The following ASCC1 variants were observed in gnomAD, a reference collection of about 807,000 sequenced individuals.
ASCC1 encodes the protein ASC-1 complex subunit P50.
In ASCC1, 35 loss-of-function variants were observed where a neutral mutation model predicts 46.6. That is an observed-to-expected ratio of 0.75 (90% CI 0.57 to 0.99). The LOEUF (loss-of-function observed/expected upper bound fraction) is 0.99. ASCC1 is among the 50% of genes least tolerant of loss of function. The pLI is 0.00. For missense variants in ASCC1, 376 were observed against 428.7 expected (o/e 0.88, Z 1.09); for synonymous variants, 143 against 146.6 (o/e 0.98, Z 0.18).
At chr10:72,214,965 A>T (rs1372630909) in intron 1 of ASCC1, among the ~76,000 whole-genome samples, 1 of 152,244 alleles carries the variant, frequency 6.6e-6, no homozygotes, top group Non-Finnish European at 1.5e-5. Context: ...TAATGAATCA[A>T]TAATTTAGGA....
rs142120887 is a variant in ASCC1 at position 72,131,553 on chromosome 10, T to C, written c.871+1504A>G. 4.6e-5 allele frequency among the ~76,000 whole-genome samples: 7 copies of C among 152,198 alleles called. No individual in the cohort carries two copies. In the East Asian group the frequency reaches 7.7e-4, roughly 17 times the overall value. On this transcript the variant is annotated intron_variant, in intron 8 of 9. Transcript: ENST00000672957. ...AGTATATAGGCTTTAACTGAGTTAT[T>C]TGAAGCTCTCTTAATCTCAGTGTTC...
chr10:72,097,485 T>C (rs1383510897), intron 9 of ASCC1, 35 bp from the exon 10 acceptor site: 1 of 1,286,090 alleles, frequency 7.8e-7, no homozygotes, highest in East Asian at 2.3e-5. Context: ...GAATGAATAT[T>C]TAAAGTATAG....
chr10:72,177,303 T>A (rs1212863765), intron 5 of ASCC1, among the ~76,000 whole-genome samples: 4 of 152,174 alleles, frequency 2.6e-5, no homozygotes, highest in Non-Finnish European at 2.9e-5. Context: ...AAGACAACTA[T>A]CCCATCTTCA....
intron 5 of ASCC1, among the ~76,000 whole-genome samples, chr10:72,177,365 T>C (rs902138663): frequency 1.3e-5 from 2 of 152,248 alleles, no homozygotes; most frequent in African/African-American, 2.4e-5. Context: ...CCCTTAAACA[T>C]GAAAAATCCT....
intron 7 of ASCC1, among the ~76,000 whole-genome samples, chr10:72,146,612 T>C (rs1847658374): frequency 6.6e-6 from 1 of 152,074 alleles, no homozygotes; most frequent in South Asian, 2.1e-4. Flanking sequence ...CAGTGTTCAG[T>C]GTATAAGTCC....
At chr10:72,141,036 TATAG>T (rs10655614) in intron 7 of ASCC1, among the ~76,000 whole-genome samples, 26,041 of 144,092 alleles carry the variant, frequency 0.18, 2,299 homozygotes, top group South Asian at 0.2. Flanking sequence ...TCAAATTGTT[TATAG>T]ATAGATAGAT....
At chr10:72,110,774 G>A (rs528747145) in intron 9 of ASCC1, among the ~76,000 whole-genome samples, 4 of 152,318 alleles carry the variant, frequency 2.6e-5, no homozygotes, top group African/African-American at 7.2e-5. Context: ...GTGATACAGC[G>A]AGACTCCGTC....
intron 5 of ASCC1, among the ~76,000 whole-genome samples, chr10:72,170,844 C>CA (rs930052181): frequency 1.3e-5 from 2 of 149,480 alleles, no homozygotes; most frequent in Non-Finnish European, 3.0e-5. Flanking sequence ...CATTATTATG[C>CA]AAAAAAAAAA....
intron 3 of ASCC1, among the ~76,000 whole-genome samples, chr10:72,208,822 AT>A (rs2133459167): frequency 6.6e-6 from 1 of 152,024 alleles, no homozygotes; most frequent in Admixed American, 6.6e-5. Flanking sequence ...TAAGCAGGCT[AT>A]TTTAAGTAAT....
At chr10:72,174,091 C>A (rs1335180925) in intron 5 of ASCC1, among the ~76,000 whole-genome samples, 1 of 152,216 alleles carries the variant, frequency 6.6e-6, no homozygotes, top group African/African-American at 2.4e-5. Context: ...CTCATCCATG[C>A]ATGCGAAAGC....
chr10:72,147,336 C>T (rs1847762009), intron 7 of ASCC1, among the ~76,000 whole-genome samples: 1 of 152,062 alleles, frequency 6.6e-6, no homozygotes, highest in Non-Finnish European at 1.5e-5. Context: ...TCACTGCAAC[C>T]TCTGCCTCCA....
chr10:72,139,059 CA>C (rs201691317), intron 7 of ASCC1, among the ~76,000 whole-genome samples: 1,752 of 151,632 alleles, frequency 0.012, 25 homozygotes, highest in African/African-American at 0.04. Flanking sequence ...GGTACTTGGA[CA>C]TAATCGTTAA....
At chr10:72,115,235 G>A (rs1843365875) in intron 9 of ASCC1, among the ~76,000 whole-genome samples, 1 of 152,158 alleles carries the variant, frequency 6.6e-6, no homozygotes, top group Non-Finnish European at 1.5e-5. Flanking sequence ...TCTGATGTCT[G>A]TAGAAAACAG....
intron 4 of ASCC1, 142 bp downstream of exon 4, chr10:72,203,285 T>TC (rs1207848884): frequency 3.2e-6 from 2 of 631,706 alleles, no homozygotes; most frequent in Non-Finnish European, 5.2e-6. Flanking sequence ...AAACTCCGTC[T>TC]CAAAAAAAAA....
chr10:72,142,481 C>T (rs1363485460), intron 7 of ASCC1, among the ~76,000 whole-genome samples: 2 of 151,996 alleles, frequency 1.3e-5, no homozygotes, highest in African/African-American at 4.8e-5. Context: ...ATCCTCCTGC[C>T]ACAGCCTCTG....
At chr10:72,173,010 AT>A (rs976567908) in intron 5 of ASCC1, among the ~76,000 whole-genome samples, 32 of 136,786 alleles carry the variant, frequency 2.3e-4, no homozygotes, top group African/African-American at 5.9e-4. Flanking sequence ...TATTTCTTAT[AT>A]TTTTTTATAT....
chr10:72,146,005 A>G (rs963388971), intron 7 of ASCC1, among the ~76,000 whole-genome samples: 3 of 152,166 alleles, frequency 2.0e-5, no homozygotes, highest in African/African-American at 7.2e-5. Context: ...TTGGAAAATA[A>G]TGCTCTTTCG....
At chr10:72,187,342 G>T (rs563803257) in intron 5 of ASCC1, among the ~76,000 whole-genome samples, 2 of 152,178 alleles carry the variant, frequency 1.3e-5, no homozygotes, top group Non-Finnish European at 1.5e-5. Context: ...AGTGGCTCAC[G>T]CCTGTAATCC....
chr10:72,124,828 C>T (rs1844661504), intron 9 of ASCC1, among the ~76,000 whole-genome samples: 1 of 151,220 alleles, frequency 6.6e-6, no homozygotes, highest in South Asian at 2.1e-4. Context: ...CTCATGCATC[C>T]TCCTTTTGGA....
Sources: allele counts gnomAD v4.1 joint callset (sites outside exome capture counted in the v4.1 genomes callset), GRCh38; gene constraint gnomAD v4.1.1; transcripts MANE v1.5; gene names NCBI Gene and HGNC (gene_info 2026-07-23, HGNC 2026-07-21).